The following ABCA12 variants were observed in gnomAD, a reference collection of about 807,000 sequenced individuals.
The protein encoded by ABCA12 is glucosylceramide transporter ABCA12.
In ABCA12, 156 loss-of-function variants were observed where a neutral mutation model predicts 293.5. That is an observed-to-expected ratio of 0.53 (90% CI 0.47 to 0.61). The LOEUF (loss-of-function observed/expected upper bound fraction) is 0.61, where lower values mean the gene tolerates loss of function less well. ABCA12 is among the 20% of genes least tolerant of loss of function. The pLI is 0.00. For synonymous variants in ABCA12, 1,063 were observed against 1,108.0 expected, an observed-to-expected ratio of 0.96 and a Z score of 0.81; for missense variants, 2,797 against 3,090.2, an observed-to-expected ratio of 0.91 and a Z score of 2.25.
chr2:215,101,415 C>T (rs1702354708), intron 2 of ABCA12, among the ~76,000 whole-genome samples: 1 of 152,138 alleles, frequency 6.6e-6, no homozygotes, highest in African/African-American at 2.4e-5. Context: ...CTCCAGATGC[C>T]AACTCAGAAA....
intron 43 of ABCA12, 44 bp from the exon 44 acceptor site, chr2:214,954,151 A>C: frequency 6.2e-7 from 1 of 1,603,152 alleles, no homozygotes; most frequent in Non-Finnish European, 8.5e-7. Flanking sequence ...TTAAGTTTCC[A>C]AAAAGCTGAC....
intron 9 of ABCA12, among the ~76,000 whole-genome samples, chr2:215,031,434 T>G (rs1700875099): frequency 6.6e-6 from 1 of 152,134 alleles, no homozygotes. Flanking sequence ...CTGGTCAGAT[T>G]ATGGTATTTT....
intron 20 of ABCA12, among the ~76,000 whole-genome samples, chr2:215,003,137 G>A (rs761316583): frequency 2.0e-5 from 3 of 152,182 alleles, no homozygotes; most frequent in South Asian, 2.1e-4. Flanking sequence ...AATCATTTAC[G>A]TCCCAGCAGT....
At chr2:215,129,309 G>T (rs1575062577) in intron 1 of ABCA12, among the ~76,000 whole-genome samples, 1 of 152,160 alleles carries the variant, frequency 6.6e-6, no homozygotes, top group East Asian at 1.9e-4. Flanking sequence ...CCTTCAGAAG[G>T]TCTGTGTCTG....
At chr2:215,131,709 T>G (rs13382429) in intron 1 of ABCA12, among the ~76,000 whole-genome samples, 40 of 120,934 alleles carry the variant, frequency 3.3e-4, no homozygotes, top group African/African-American at 9.9e-4. Flanking sequence ...ATTGTTTTTT[T>G]TTTTTTTTTT....
chr2:215,008,867 T>G (rs1230712014), intron 18 of ABCA12, among the ~76,000 whole-genome samples: 1 of 152,082 alleles, frequency 6.6e-6, no homozygotes, highest in African/African-American at 2.4e-5. Context: ...CACTTATACA[T>G]TGTTGGTGGG....
intron 2 of ABCA12, among the ~76,000 whole-genome samples, chr2:215,069,473 G>GT (rs1325615390): frequency 1.2e-4 from 18 of 150,178 alleles, no homozygotes; most frequent in African/African-American, 2.5e-4. Flanking sequence ...ATTTATTAAC[G>GT]TTTTTTTTTA....
intron 1 of ABCA12, among the ~76,000 whole-genome samples, chr2:215,112,500 T>TTG (rs1270060662): frequency 3.5e-5 from 2 of 56,848 alleles, no homozygotes. Flanking sequence ...TTTTTTTGTT[T>TTG]TTTTTTGTTT....
intron 1 of ABCA12, among the ~76,000 whole-genome samples, chr2:215,131,712 T>G (rs931517510): frequency 1.5e-4 from 23 of 149,460 alleles, no homozygotes; most frequent in African/African-American, 2.2e-4. Flanking sequence ...GTTTTTTTTT[T>G]TTTTTTTTTT....
intron 1 of ABCA12, among the ~76,000 whole-genome samples, chr2:215,120,859 T>C (rs1389653563): frequency 2.6e-5 from 4 of 152,238 alleles, no homozygotes; most frequent in Non-Finnish European, 5.9e-5. Context: ...ATGAGAATTC[T>C]ATGAATATTT....
intron 23 of ABCA12, among the ~76,000 whole-genome samples, chr2:214,993,073 C>T (rs1241706805): frequency 2.0e-5 from 3 of 152,170 alleles, no homozygotes; most frequent in African/African-American, 7.2e-5. Context: ...CATCACATTT[C>T]GATAACTCTG....
Position 215,031,848 on chromosome 2 carries a change from G to T in ABCA12, c.1034C>A (p.Thr345Asn). 1 of 1,613,948 alleles carries T rather than the reference G, an allele frequency of 6.2e-7. No individual in the cohort carries two copies. Among genetic ancestry groups the T allele is most frequent in the Non-Finnish European group, 8.5e-7 (1 of 1,179,958 alleles). Residue 345 changes from threonine (T) to asparagine (N), a missense_variant, in exon 9 of 53, where the codon ACC (threonine) becomes AAC (asparagine). By Grantham distance (65) the Thr-to-Asn change is moderately conservative. Around this residue, in one of 3 missense-constraint regions of ABCA12, gnomAD observed 656 missense variants for 638.2 expected, o/e 1.03. Transcript: ENST00000272895. ...TGCAGCCAGACTGCTTGGAGATAAG[G>T]TCTGTCCATCATCCTCATTCCACAC... Reference protein sequence around the residue: ...THVWNEDDGQTLSPSSLAAQL... With the variant: ...THVWNEDDGQNLSPSSLAAQL...
intron 32 of ABCA12, 56 bp from the exon 33 acceptor site, chr2:214,978,522 T>C: frequency 6.3e-7 from 1 of 1,580,166 alleles, no homozygotes; most frequent in Non-Finnish European, 8.6e-7. Context: ...TCTTTTCTCA[T>C]TTCTAAGCTT....
chr2:215,011,865 G>GTT (rs539808382), intron 16 of ABCA12, 106 bp downstream of exon 16: 56,931 of 997,174 alleles, frequency 0.057, 256 homozygotes, highest in African/African-American at 0.13. Flanking sequence ...TGTAGGTGTT[G>GTT]TTTTTTTTTT....
At chr2:214,978,738 A>G (rs1699579218) in intron 32 of ABCA12, 66 bp downstream of exon 32, 3 of 1,532,002 alleles carry the variant, frequency 2.0e-6, no homozygotes, top group African/African-American at 1.4e-5. Context: ...AAAATGGCAC[A>G]TATTTCTTCA....
intron 36 of ABCA12, among the ~76,000 whole-genome samples, chr2:214,973,385 C>T (rs548179085): frequency 1.3e-5 from 2 of 152,168 alleles, no homozygotes; most frequent in Admixed American, 6.5e-5. Context: ...TTGAACTTCT[C>T]TAGTGAATGT....
rs1701821884 is a variant in ABCA12, at chr2:215,075,720, G to A, written c.164-11501C>T. ...GATAACCCATTAAAAGTAATGAAAT[G>A]GAGAAAACAAATTTTAGTAATTACC... On this transcript the variant is annotated intron_variant, in intron 2 of 52. Transcript: ENST00000272895. The A allele has an allele frequency of 2.1e-5, 12 of 579,176 alleles. 1 individual carries two copies. The South Asian group carries it at 2.7e-4, about 13-fold the overall frequency. The allele number at this position is 579,176 out of a possible 1,614,324, so 35.9% of individuals were successfully genotyped here.
chr2:215,017,861 T>C (rs1463427607), intron 14 of ABCA12, 147 bp downstream of exon 14: 4 of 1,081,358 alleles, frequency 3.7e-6, no homozygotes, highest in Non-Finnish European at 5.3e-6. Flanking sequence ...CTATCTTTAA[T>C]GAGGCCTCCA....
chr2:215,137,123 C>A (rs1317679717), intron 1 of ABCA12, among the ~76,000 whole-genome samples: 4 of 152,014 alleles, frequency 2.6e-5, no homozygotes, highest in African/African-American at 9.7e-5. Context: ...CAATCACATG[C>A]CTTAGAATTT....
Sources: gnomAD v4.1 joint callset for allele counts (sites outside exome capture counted in the v4.1 genomes callset) on GRCh38, gnomAD v4.1.1 for gene constraint, gnomAD v4.1.1 regional missense constraint, MANE v1.5 for transcripts, NCBI Gene and HGNC (gene_info 2026-07-23, HGNC 2026-07-21) for gene names.